Variants in CAMTA1 observed in about 807,000 individuals in gnomAD.
CAMTA1 encodes the protein calmodulin-binding transcription activator 1.
CAMTA1 carries 27 observed loss-of-function variants against 170.9 expected under a neutral mutation model. That is an observed-to-expected ratio of 0.16 (90% CI 0.12 to 0.22). The LOEUF is 0.22. Ranked by LOEUF, CAMTA1 falls within the 10% of genes least tolerant of loss-of-function variation. CAMTA1 has a pLI of 1.00. For missense variants in CAMTA1, 1,619 were observed against 2,217.2 expected, an observed-to-expected ratio of 0.73 and a Z score of 5.42; for synonymous variants, 833 against 891.5, an observed-to-expected ratio of 0.93 and a Z score of 1.17.
At chr1:6,988,654 TTGTCGGAAA>T (rs1345523047) in intron 3 of CAMTA1, among the ~76,000 whole-genome samples, 2 of 151,220 alleles carry the variant, frequency 1.3e-5, no homozygotes, top group East Asian at 4.0e-4. Flanking sequence ...TCAGGTTGCT[TTGTCGGAAA>T]TGAGCATCAT....
chr1:6,919,342 G>T (rs189078810), intron 3 of CAMTA1, among the ~76,000 whole-genome samples: 1 of 152,258 alleles, frequency 6.6e-6, no homozygotes, highest in East Asian at 1.9e-4. Flanking sequence ...TGAGGCAGGA[G>T]GATGCTGCCT....
At chr1:7,761,484 T>G (rs564672347) in intron 22 of CAMTA1, among the ~76,000 whole-genome samples, 6 of 152,282 alleles carry the variant, frequency 3.9e-5, no homozygotes, top group African/African-American at 1.4e-4. Flanking sequence ...TAGCCCTGAA[T>G]GAGTCGAACA....
At chr1:7,018,026 G>A (rs1180125674) in intron 3 of CAMTA1, among the ~76,000 whole-genome samples, 1 of 151,606 alleles carries the variant, frequency 6.6e-6, no homozygotes, top group African/African-American at 2.4e-5. Context: ...ACAGTGGTGC[G>A]ATCTTGGCTC....
At position 7,251,428 on chromosome 1, in the gene CAMTA1, G is replaced by C. The variant is rs1666625230; in HGVS notation, c.438+1802G>C. Among the ~76,000 whole-genome samples the C allele has an allele frequency of 6.6e-6, 1 of 152,176 alleles. No homozygotes were observed. The highest frequency in any genetic ancestry group is 6.5e-5 in the Admixed American group (1 of 15,268). ...CGGGAAAGGGAGACGGGCAGGATGG[G>C]GAGGGGTTTCCATGACCTCCTAACA... On this transcript the variant is annotated intron_variant, in intron 5 of 22. Coordinates refer to ENST00000303635, the MANE Select transcript of CAMTA1 (RefSeq NM_015215.4). The surrounding 1 kb of genome is among the most constrained non-coding windows in gnomAD (Gnocchi z 5.1).
chr1:7,302,143 C>T (rs907589920), intron 5 of CAMTA1, among the ~76,000 whole-genome samples: 1 of 143,526 alleles, frequency 7.0e-6, no homozygotes, highest in Non-Finnish European at 1.5e-5. Context: ...GCAAAAGCAT[C>T]GACTGCTTTC....
chr1:7,740,062 A>G (rs1202736379), intron 16 of CAMTA1, among the ~76,000 whole-genome samples: 1 of 152,076 alleles, frequency 6.6e-6, no homozygotes, highest in Non-Finnish European at 1.5e-5. Context: ...TCCCTACCAC[A>G]ACACATGGGA....
chr1:7,726,310 T>C (rs1453590430), intron 11 of CAMTA1, among the ~76,000 whole-genome samples: 2 of 152,170 alleles, frequency 1.3e-5, no homozygotes, highest in African/African-American at 2.4e-5. Context: ...GGCTGATAGC[T>C]CAGTGTAGTT....
chr1:7,015,372 C>G (rs929162308), intron 3 of CAMTA1, among the ~76,000 whole-genome samples: 2 of 152,196 alleles, frequency 1.3e-5, no homozygotes, highest in African/African-American at 4.8e-5. Context: ...TTCACATTTT[C>G]TGGAATGTTC....
rs991394616 is a variant in CAMTA1, at chr1:7,561,368, C to T, written c.511-79032C>T. On this transcript the variant is annotated intron_variant, in intron 6 of 22. Transcript: ENST00000303635. This position sits in a 1 kb window ranked among gnomAD's most constrained non-coding sequence, Gnocchi z 5.3. The stretch of plus-strand genomic sequence containing the variant: ...GGGACAGAGGGACAGGCAGAGAGGC[C>T]GGCGGGCAGCAGGCCAATGGGCCAG... Among the ~76,000 whole-genome samples the T allele has an allele frequency of 3.3e-5, 5 of 151,736 alleles. No homozygotes were observed. The highest frequency in any genetic ancestry group is 2.0e-4 in the East Asian group (1 of 5,116).
rs537208509 is a variant in CAMTA1, at chr1:7,366,576, C to G, written c.439-101254C>G. On this transcript the variant is annotated intron_variant, in intron 5 of 22. Transcript: ENST00000303635. ...TGATTTGCAGCAGATGAAGTAGATG[C>G]TCTCTCCTTGCAGAGAGCTAATGAT... is the stretch of plus-strand genomic sequence containing the variant. 3.9e-5 allele frequency among the ~76,000 whole-genome samples: 6 copies of G among 152,394 alleles called. No individual in the cohort carries two copies. In the East Asian group the frequency reaches 7.7e-4, roughly 20 times the overall value.
chr1:6,924,253 AAG>A (rs1354406448), intron 3 of CAMTA1, among the ~76,000 whole-genome samples: 7 of 152,182 alleles, frequency 4.6e-5, no homozygotes, highest in Non-Finnish European at 1.0e-4. Flanking sequence ...TGGAAACATA[AAG>A]ATGGTGCAAA....
chr1:7,053,053 G>A (rs976531061), intron 3 of CAMTA1, among the ~76,000 whole-genome samples: 8 of 152,208 alleles, frequency 5.3e-5, no homozygotes, highest in Admixed American at 4.6e-4. Flanking sequence ...GGAAAGAGCG[G>A]ACACAGCCAT....
At position 7,674,287 on chromosome 1, in the gene CAMTA1, G is replaced by T. The variant is rs1175898096; in HGVS notation, c.2779+3250G>T. On this transcript the variant is annotated intron_variant, in intron 10 of 22. Coordinates refer to ENST00000303635, the MANE Select transcript of CAMTA1 (RefSeq NM_015215.4). This position sits in a 1 kb window ranked among gnomAD's most constrained non-coding sequence, Gnocchi z 4.1. ...AGTGTGTCTTCTGCAAGACTCCAGG[G>T]TGCTTCAGGGGCAGGAGGGAGCCCA... Among the ~76,000 whole-genome samples, 4 of 152,152 alleles carry T rather than the reference G, an allele frequency of 2.6e-5. No individual in the cohort carries two copies. Among genetic ancestry groups the T allele is most frequent in the African/African-American group, 9.7e-5 (4 of 41,440 alleles).
intron 3 of CAMTA1, among the ~76,000 whole-genome samples, chr1:6,889,619 G>T (rs187780340): frequency 2.0e-5 from 3 of 152,092 alleles, no homozygotes; most frequent in Non-Finnish European, 4.4e-5. Context: ...TTAATAAATG[G>T]TACTGTAGTT....
At chr1:6,940,063 T>G (rs1686177354) in intron 3 of CAMTA1, among the ~76,000 whole-genome samples, 1 of 152,252 alleles carries the variant, frequency 6.6e-6, no homozygotes, top group Admixed American at 6.5e-5. Flanking sequence ...TGTGTTGAGT[T>G]GAGTCCCCAC....
intron 4 of CAMTA1, among the ~76,000 whole-genome samples, chr1:7,229,201 G>C (rs1191739209): frequency 6.6e-6 from 1 of 151,654 alleles, no homozygotes; most frequent in Non-Finnish European, 1.5e-5. Context: ...AGGGGTTGCT[G>C]TCCTTCCATC....
At chr1:7,576,623 C>G (rs1026772027) in intron 6 of CAMTA1, among the ~76,000 whole-genome samples, 2 of 152,180 alleles carry the variant, frequency 1.3e-5, no homozygotes, top group South Asian at 2.1e-4. Context: ...AAATCCATTT[C>G]TGTTCTTTAT....
At chr1:7,040,836 C>G (rs1704334492) in intron 3 of CAMTA1, among the ~76,000 whole-genome samples, 1 of 149,194 alleles carries the variant, frequency 6.7e-6, no homozygotes, top group Admixed American at 6.6e-5. Context: ...AGCGATTCCC[C>G]TGCCTCAGCC....
intron 12 of CAMTA1, among the ~76,000 whole-genome samples, chr1:7,734,997 T>C (rs1037394490): frequency 1.3e-5 from 2 of 152,248 alleles, no homozygotes; most frequent in African/African-American, 4.8e-5. Flanking sequence ...TACAACTGGT[T>C]CATAGGAAGT....
Sources: allele counts gnomAD v4.1 joint callset (sites outside exome capture counted in the v4.1 genomes callset), GRCh38; gene constraint gnomAD v4.1.1; non-coding constraint Gnocchi (gnomAD v3.1); transcripts MANE v1.5; gene names NCBI Gene and HGNC (gene_info 2026-07-23, HGNC 2026-07-21).